Variants in EFNA5 observed in about 807,000 individuals in gnomAD.
The protein encoded by EFNA5 is ephrin A5, also known as ephrin-A5.
In EFNA5, 5 loss-of-function variants were observed where a neutral mutation model predicts 22.9. That is an observed-to-expected ratio of 0.22 (90% CI 0.11 to 0.46). The LOEUF is 0.46. Among genes scored for constraint, EFNA5 ranks in the 20% least tolerant of loss-of-function variants. The pLI is 0.99. For synonymous variants in EFNA5, 113 were observed against 112.2 expected, an observed-to-expected ratio of 1.01 and a Z score of -0.04; for missense variants, 237 against 293.3, an observed-to-expected ratio of 0.81 and a Z score of 1.40.
At chr5:107,438,477 C>T (rs1310190896) in intron 1 of EFNA5, among the ~76,000 whole-genome samples, 1 of 152,202 alleles carries the variant, frequency 6.6e-6, no homozygotes, top group African/African-American at 2.4e-5. Context: ...AGCTGGAAAT[C>T]CAGAGACTCC....
At chr5:107,580,077 T>A (rs1384615800) in intron 1 of EFNA5, among the ~76,000 whole-genome samples, 1 of 152,232 alleles carries the variant, frequency 6.6e-6, no homozygotes, top group East Asian at 1.9e-4. Context: ...TAGTGGACTA[T>A]ATAATCACAC....
At chr5:107,536,487 C>A (rs1561425413) in intron 1 of EFNA5, among the ~76,000 whole-genome samples, 1 of 152,182 alleles carries the variant, frequency 6.6e-6, no homozygotes, top group Non-Finnish European at 1.5e-5. Context: ...TGGTCACATA[C>A]ATTGTTATTA....
intron 1 of EFNA5, among the ~76,000 whole-genome samples, chr5:107,599,110 G>C (rs1749534358): frequency 6.6e-6 from 1 of 152,174 alleles, no homozygotes; most frequent in Non-Finnish European, 1.5e-5. Context: ...ATGGGCACGG[G>C]AACCAGAGGA....
chr5:107,579,844 T>C (rs1749005691), intron 1 of EFNA5, among the ~76,000 whole-genome samples: 2 of 152,336 alleles, frequency 1.3e-5, no homozygotes, highest in African/African-American at 4.8e-5. Context: ...ATTTCACTTT[T>C]TAGCCAAAAG....
chr5:107,472,487 G>A (rs1466513808), intron 1 of EFNA5, among the ~76,000 whole-genome samples: 1 of 152,208 alleles, frequency 6.6e-6, no homozygotes, highest in Non-Finnish European at 1.5e-5. Flanking sequence ...ATGAGAACTT[G>A]AGATAATTCT....
In EFNA5 at chr5:107,670,823, G is replaced by C. The variant is rs1031107857; in HGVS notation, c.-210C>G. 35 of 617,320 alleles carry C rather than the reference G, an allele frequency of 5.7e-5. No homozygotes were observed. Among genetic ancestry groups the C allele is most frequent in the Non-Finnish European group, 7.7e-5 (28 of 363,132 alleles). 38.2% of individuals were successfully genotyped at this position (617,320 alleles called of 1,614,324 possible). On this transcript the variant is annotated 5_prime_UTR_variant, in exon 1 of 5. Transcript: ENST00000333274. ...GAAGAAAAGAAGGCGGTGGGATGGGGGGTGATAAAGACAAACTCGCACCCC... is the reference window on the plus strand; with the variant it reads ...GAAGAAAAGAAGGCGGTGGGATGGGCGGTGATAAAGACAAACTCGCACCCC...
chr5:107,496,276 C>T (rs1746979654), intron 1 of EFNA5, among the ~76,000 whole-genome samples: 1 of 137,616 alleles, frequency 7.3e-6, no homozygotes, highest in Non-Finnish European at 1.5e-5. Context: ...GCAGAGGTTG[C>T]AGTGAGCCAA....
At chr5:107,512,053 G>A (rs1029477836) in intron 1 of EFNA5, among the ~76,000 whole-genome samples, 2 of 152,170 alleles carry the variant, frequency 1.3e-5, no homozygotes, top group South Asian at 4.1e-4. Flanking sequence ...TGCTATCTGT[G>A]GCTCCTGCAA....
At chr5:107,532,997 G>A (rs971956113) in intron 1 of EFNA5, among the ~76,000 whole-genome samples, 9 of 152,078 alleles carry the variant, frequency 5.9e-5, no homozygotes, top group Non-Finnish European at 1.0e-4. Flanking sequence ...CACAGCTCAC[G>A]GCAGCTAAAG....
intron 2 of EFNA5, among the ~76,000 whole-genome samples, chr5:107,418,545 T>C (rs1401770739): frequency 1.3e-5 from 2 of 152,224 alleles, no homozygotes; most frequent in East Asian, 1.9e-4. Context: ...ATTCCTCCTT[T>C]TCCCTTAGGA....
intron 1 of EFNA5, among the ~76,000 whole-genome samples, chr5:107,666,240 A>G (rs527775232): frequency 7.2e-5 from 11 of 152,222 alleles, no homozygotes; most frequent in Non-Finnish European, 1.5e-4. Context: ...CATATGTCAA[A>G]ATGATGATGG....
intron 1 of EFNA5, among the ~76,000 whole-genome samples, chr5:107,563,276 T>A (rs1748587875): frequency 6.6e-6 from 1 of 152,148 alleles, no homozygotes; most frequent in Admixed American, 6.5e-5. Flanking sequence ...ACATCTGACT[T>A]TCCCCAAGCA....
At chr5:107,482,874 A>C (rs200418804) in intron 1 of EFNA5, among the ~76,000 whole-genome samples, 4,704 of 48,852 alleles carry the variant, frequency 0.096, 67 homozygotes, top group Non-Finnish European at 0.14. Flanking sequence ...CTCTCTCTAT[A>C]TATATATATA....
chr5:107,568,054 G>A (rs767563971), intron 1 of EFNA5, among the ~76,000 whole-genome samples: 4 of 152,008 alleles, frequency 2.6e-5, no homozygotes, highest in Non-Finnish European at 5.9e-5. Flanking sequence ...ATGCCACCAT[G>A]CCCAGCTCGT....
intron 1 of EFNA5, among the ~76,000 whole-genome samples, chr5:107,572,563 T>C (rs1748838231): frequency 1.3e-5 from 2 of 152,230 alleles, no homozygotes; most frequent in Non-Finnish European, 2.9e-5. Context: ...AAATCTGGAC[T>C]AACTGCCCTT....
chr5:107,602,270 T>C (rs1445334512), intron 1 of EFNA5, among the ~76,000 whole-genome samples: 1 of 152,234 alleles, frequency 6.6e-6, no homozygotes, highest in African/African-American at 2.4e-5. Flanking sequence ...ATAAAATGTT[T>C]GTAATTCTGA....
intron 1 of EFNA5, among the ~76,000 whole-genome samples, chr5:107,584,940 T>C (rs1485640780): frequency 1.3e-5 from 2 of 152,210 alleles, no homozygotes; most frequent in Non-Finnish European, 2.9e-5. Context: ...GGTCACAACG[T>C]AGCAAGTCTT....
chr5:107,465,210 T>C (rs1749940785), intron 1 of EFNA5, among the ~76,000 whole-genome samples: 1 of 152,176 alleles, frequency 6.6e-6, no homozygotes, highest in Admixed American at 6.5e-5. Context: ...AGATTTCACC[T>C]TCACTTCTTT....
intron 1 of EFNA5, among the ~76,000 whole-genome samples, chr5:107,510,708 A>G (rs1747350604): frequency 1.3e-5 from 2 of 152,212 alleles, no homozygotes; most frequent in Admixed American, 1.3e-4. Context: ...AAAATAAGTC[A>G]TGAGGTGCTG....
Sources: gnomAD v4.1 joint callset for allele counts (sites outside exome capture counted in the v4.1 genomes callset) on GRCh38, gnomAD v4.1.1 for gene constraint, MANE v1.5 for transcripts, NCBI Gene and HGNC (gene_info 2026-07-23, HGNC 2026-07-21) for gene names.